WDR44: variants seen among roughly 807,000 people sequenced by gnomAD.
WDR44 encodes the protein WD repeat domain 44, also known as WD repeat-containing protein 44.
In WDR44, 9 loss-of-function variants were observed where a neutral mutation model predicts 65.7. That is an observed-to-expected ratio of 0.14 (90% CI 0.08 to 0.24). The LOEUF (loss-of-function observed/expected upper bound fraction) is 0.24, where lower values mean the gene tolerates loss of function less well. WDR44 is among the 10% of genes least tolerant of loss of function. WDR44 has a pLI of 1.00. For synonymous variants in WDR44, 220 were observed against 235.2 expected (o/e 0.94, Z 0.59); for missense variants, 425 against 670.9 (o/e 0.63, Z 4.05).
At chrX:118,387,222 G>A (rs2147697201) in intron 2 of WDR44, 118 bp from the exon 3 acceptor site, 8 of 272,380 alleles carry the variant, frequency 2.9e-5, no homozygotes, top group South Asian at 1.3e-4. Flanking sequence ...AGAAATCAAA[G>A]CCCTTTAAGG....
chrX:118,346,906 T>G (rs1377785443), intron 1 of WDR44, among the ~76,000 whole-genome samples: 3 of 111,384 alleles, frequency 2.7e-5, no homozygotes, highest in Admixed American at 9.5e-5. Context: ...ATCTGTGGGG[T>G]TCTGAGCTTA....
chrX:118,430,062 C>T (rs2057194993), intron 12 of WDR44, among the ~76,000 whole-genome samples: 1 of 111,589 alleles, frequency 9.0e-6, no homozygotes, highest in Non-Finnish European at 1.9e-5. Flanking sequence ...GCATGAAATA[C>T]AGAAAATGCT....
chrX:118,437,885 C>T (rs907632726), intron 14 of WDR44, among the ~76,000 whole-genome samples: 1 of 110,690 alleles, frequency 9.0e-6, no homozygotes, highest in African/African-American at 3.3e-5. Flanking sequence ...AAAATACAAA[C>T]GTTAGTCAGG....
chrX:118,376,546 A>C (rs2056661502), intron 1 of WDR44, among the ~76,000 whole-genome samples: 1 of 110,198 alleles, frequency 9.1e-6, no homozygotes, highest in African/African-American at 3.3e-5. Context: ...GGATTTTACC[A>C]AAAAAAAATT....
chrX:118,419,746 A>T (rs983581120), intron 12 of WDR44, among the ~76,000 whole-genome samples: 36 of 112,037 alleles, frequency 3.2e-4, no homozygotes, highest in Admixed American at 1.8e-3. Flanking sequence ...TCTTATAGAT[A>T]GCATATAGTT....
chrX:118,412,158 C>T (rs1182428178), intron 12 of WDR44, among the ~76,000 whole-genome samples: 1 of 111,788 alleles, frequency 8.9e-6, no homozygotes, highest in African/African-American at 3.3e-5. Context: ...AAGGAAGGAG[C>T]GTGTCAGACC....
chrX:118,424,391 T>C (rs976417165), intron 12 of WDR44, among the ~76,000 whole-genome samples: 11 of 100,981 alleles, frequency 1.1e-4, no homozygotes, highest in South Asian at 4.5e-4. Context: ...TGAGGTGATA[T>C]ATCATTGTGG....
chrX:118,359,500 C>T (rs1302789546), intron 1 of WDR44, among the ~76,000 whole-genome samples: 1 of 112,064 alleles, frequency 8.9e-6, no homozygotes, highest in Non-Finnish European at 1.9e-5. Context: ...TAAAGCTGCA[C>T]TACATACATC....
intron 12 of WDR44, among the ~76,000 whole-genome samples, chrX:118,430,714 G>A (rs1216568071): frequency 1.8e-5 from 2 of 111,417 alleles, no homozygotes; most frequent in African/African-American, 6.5e-5. Flanking sequence ...GGTGGCATGT[G>A]CCTGTAATCT....
intron 12 of WDR44, among the ~76,000 whole-genome samples, chrX:118,425,819 T>TCCCA (rs1274389452): frequency 8.9e-6 from 1 of 112,049 alleles, no homozygotes; most frequent in Non-Finnish European, 1.9e-5. Context: ...ATACCTGTAA[T>TCCCA]CCCAGCACTT....
At chrX:118,438,411 CTTTCT>C (rs200762627) in intron 14 of WDR44, among the ~76,000 whole-genome samples, 44,510 of 107,820 alleles carry the variant, frequency 0.41, 10,161 homozygotes, top group African/African-American at 0.83. Context: ...TTTTCTTTCT[CTTTCT>C]TTTCTTTTCT....
At chrX:118,447,893 TA>T (rs764655829) in intron 19 of WDR44, among the ~76,000 whole-genome samples, 17,647 of 95,709 alleles carry the variant, frequency 0.18, 1,551 homozygotes, top group Admixed American at 0.3. Flanking sequence ...TATATATATA[TA>T]TATATATATA....
rs1387278258 is a variant in WDR44, at chrX:118,392,687, C to T, written c.242C>T (p.Ser81Phe). ...SQKVLQLEDD[S>F]LDSKGKELSD... is the part of the protein sequence containing the mutation. Reference sequence around the variant, plus strand: ...AAAGTACTACAGCTTGAAGATGACTCTTTGGATTCCAAAGGAAAAGAACTC... The same window carrying T: ...AAAGTACTACAGCTTGAAGATGACTTTTTGGATTCCAAAGGAAAAGAACTC... The change falls in exon 4 of 20, where the codon TCT becomes TTT. Residue 81 changes from serine (S) to phenylalanine (F), a missense_variant. Ser to Phe is a radical substitution (Grantham distance 155, BLOSUM62 -2). Transcript: ENST00000254029. 7 of 1,210,151 alleles carry T rather than the reference C, an allele frequency of 5.8e-6. No individual in the cohort carries two copies. The South Asian group carries it at 1.2e-4, about 21-fold the overall frequency.
intron 12 of WDR44, among the ~76,000 whole-genome samples, chrX:118,415,648 C>T (rs2380315): frequency 0.26 from 28,975 of 109,769 alleles, 3,167 homozygotes; most frequent in African/African-American, 0.39. Context: ...GGATTACAGG[C>T]ACACACCACC....
chrX:118,369,622 C>G (rs1049001036), intron 1 of WDR44, among the ~76,000 whole-genome samples: 4 of 106,899 alleles, frequency 3.7e-5, no homozygotes, highest in African/African-American at 1.4e-4. Flanking sequence ...GCGCCCACCA[C>G]CACGCCTGAC....
Position 118,371,108 on chromosome X carries a change from G to A in WDR44, c.78-7311G>A, listed in dbSNP as rs140603316. On this transcript the variant is annotated intron_variant, in intron 1 of 19. Coordinates refer to ENST00000254029, the MANE Select transcript of WDR44 (RefSeq NM_019045.5). ...ACAGACAGATGGCCAACACACAGTGGAACACTATTGAGCCTTAAGAATGGA... is the reference window on the plus strand; with the variant it reads ...ACAGACAGATGGCCAACACACAGTGAAACACTATTGAGCCTTAAGAATGGA... Among the ~76,000 whole-genome samples, 497 of 111,473 alleles carry A rather than the reference G, an allele frequency of 4.5e-3. 3 individuals are homozygous for A. The highest frequency in any genetic ancestry group is 7.4e-3 in the Non-Finnish European group (391 of 53,103).
Position 118,449,684 on chromosome X carries a change from C to G in WDR44, c.*697C>G, listed in dbSNP as rs1264781968. The G allele has an allele frequency of 9.1e-6, 1 of 110,226 alleles. No individual in the cohort carries two copies. Among genetic ancestry groups the G allele is most frequent in the East Asian group, 2.8e-4 (1 of 3,563 alleles). The allele number at this position is 110,226 out of a possible 1,213,427, so 9.1% of individuals were successfully genotyped here. Reference sequence around the variant, plus strand: ...ATCCATGAGCACCAGGCTTTGCTCACTTAAAAAAAAATTAAGCCACATTAA... The same window carrying G: ...ATCCATGAGCACCAGGCTTTGCTCAGTTAAAAAAAAATTAAGCCACATTAA... On this transcript the variant is annotated 3_prime_UTR_variant, in exon 20 of 20. Coordinates refer to ENST00000254029, the MANE Select transcript of WDR44 (RefSeq NM_019045.5).
chrX:118,426,997 G>C (rs1301804842), intron 12 of WDR44, among the ~76,000 whole-genome samples: 1 of 111,643 alleles, frequency 9.0e-6, no homozygotes, highest in Non-Finnish European at 1.9e-5. Context: ...TGTTTTCAAA[G>C]ACTATTTAAT....
intron 18 of WDR44, 88 bp from the exon 19 acceptor site, chrX:118,444,272 T>G: frequency 5.8e-6 from 6 of 1,031,220 alleles, no homozygotes; most frequent in Non-Finnish European, 7.8e-6. Context: ...TATGTTAGTT[T>G]TTAAGGATAT....
Sources: allele counts gnomAD v4.1 joint callset (sites outside exome capture counted in the v4.1 genomes callset), GRCh38; gene constraint gnomAD v4.1.1; transcripts MANE v1.5; gene names NCBI Gene and HGNC (gene_info 2026-07-23, HGNC 2026-07-21).